The following HPSE2 variants were observed in gnomAD, a reference collection of about 807,000 sequenced individuals.
HPSE2 encodes inactive heparanase-2.
Under a neutral mutation model 60.5 loss-of-function variants are expected in HPSE2, and 38 were observed. The observed-to-expected ratio is 0.63, with a 90% confidence interval of 0.48 to 0.82. The LOEUF is 0.82. Ranked by LOEUF, HPSE2 falls within the 40% of genes least tolerant of loss-of-function variation. The probability of loss-of-function intolerance (pLI) is 0.00; values close to 1 mark genes in which losing one functional copy is unlikely to be tolerated. For synonymous variants in HPSE2, 295 were observed against 293.2 expected, an observed-to-expected ratio of 1.01 and a Z score of -0.06; for missense variants, 713 against 740.4, an observed-to-expected ratio of 0.96 and a Z score of 0.43.
At chr10:98,732,541 G>C (rs1949253228) in intron 4 of HPSE2, among the ~76,000 whole-genome samples, 1 of 152,114 alleles carries the variant, frequency 6.6e-6, no homozygotes, top group African/African-American at 2.4e-5. Flanking sequence ...GGAAAAAATG[G>C]TCTTTTTAAT....
At chr10:99,022,734 A>G (rs1333567337) in intron 3 of HPSE2, among the ~76,000 whole-genome samples, 1 of 152,140 alleles carries the variant, frequency 6.6e-6, no homozygotes, top group African/African-American at 2.4e-5. Context: ...ATTTCTAGAC[A>G]CATTCTGGGC....
upstream of HPSE2, among the ~76,000 whole-genome samples, chr10:99,237,918 G>A (rs1482457990): frequency 6.6e-6 from 1 of 152,164 alleles, no homozygotes; most frequent in African/African-American, 2.4e-5. Context: ...GTAAATTAAT[G>A]GTAAATCCAA....
At chr10:99,057,794 T>G (rs971667834) in intron 3 of HPSE2, among the ~76,000 whole-genome samples, 1 of 152,180 alleles carries the variant, frequency 6.6e-6, no homozygotes, top group Non-Finnish European at 1.5e-5. Flanking sequence ...AATACACGCA[T>G]GAATTCTTTC....
rs542775208 is a variant in HPSE2, at chr10:99,040,657, T to TA, written c.610+103580dup. Among the ~76,000 whole-genome samples the TA allele has an allele frequency of 5.0e-3, 762 of 152,018 alleles. 5 individuals carry two copies. The highest frequency in any genetic ancestry group is 0.017 in the African/African-American group (691 of 41,488). ...TGACTTGAATATTTATACCCAAAAA[T>TA]AAAAAAAACTTCCACATCTCTATAG... is the stretch of plus-strand genomic sequence containing the variant. On this transcript the variant is annotated intron_variant, in intron 3 of 11. Transcript: ENST00000370552.
intron 3 of HPSE2, among the ~76,000 whole-genome samples, chr10:99,109,217 C>A (rs977618740): frequency 6.6e-6 from 1 of 152,082 alleles, no homozygotes; most frequent in South Asian, 2.1e-4. Flanking sequence ...ATGGGAAGAA[C>A]AATGAACTCA....
chr10:98,624,524 A>C, intron 7 of HPSE2, among the ~76,000 whole-genome samples: 1 of 152,198 alleles, frequency 6.6e-6, no homozygotes, highest in Non-Finnish European at 1.5e-5. Context: ...ATGGAAAGCT[A>C]TTGGAGGGAT....
chr10:99,009,664 T>C (rs1956969126), intron 3 of HPSE2, among the ~76,000 whole-genome samples: 1 of 152,170 alleles, frequency 6.6e-6, no homozygotes, highest in South Asian at 2.1e-4. Flanking sequence ...TCATAGACTA[T>C]AGAAATGTTA....
chr10:98,569,071 T>TA (rs1944425133), intron 9 of HPSE2, among the ~76,000 whole-genome samples: 1 of 151,654 alleles, frequency 6.6e-6, no homozygotes, highest in African/African-American at 2.4e-5. Flanking sequence ...GTCTGATTTT[T>TA]TTTTTTTTTG....
intron 2 of HPSE2, among the ~76,000 whole-genome samples, chr10:99,157,946 G>A (rs12413062): frequency 0.15 from 10,310 of 70,938 alleles, 867 homozygotes; most frequent in Non-Finnish European, 0.24. Context: ...GGCAAAGGAC[G>A]TGAACAGACA....
At chr10:99,141,270 C>T (rs1343030185) in intron 3 of HPSE2, among the ~76,000 whole-genome samples, 1 of 152,070 alleles carries the variant, frequency 6.6e-6, no homozygotes, top group African/African-American at 2.4e-5. Context: ...AACATATACG[C>T]CCCCATAGGT....
chr10:99,185,914 G>A (rs986171576), intron 2 of HPSE2, among the ~76,000 whole-genome samples: 3 of 151,962 alleles, frequency 2.0e-5, no homozygotes, highest in African/African-American at 7.3e-5. Flanking sequence ...GAGGAAAAAA[G>A]AGTGAAAAAA....
chr10:98,543,314 A>G (rs1943540976), intron 9 of HPSE2, among the ~76,000 whole-genome samples: 2 of 152,202 alleles, frequency 1.3e-5, no homozygotes, highest in Admixed American at 1.3e-4. Context: ...GCCGTAAAAG[A>G]GCTCCCGAAG....
chr10:99,059,755 A>G (rs1250964823), intron 3 of HPSE2, among the ~76,000 whole-genome samples: 1 of 152,178 alleles, frequency 6.6e-6, no homozygotes, highest in Non-Finnish European at 1.5e-5. Context: ...GTTTGCAAAT[A>G]TTTTTAACAG....
At chr10:98,862,855 G>A (rs1440946723) in intron 3 of HPSE2, among the ~76,000 whole-genome samples, 1 of 152,108 alleles carries the variant, frequency 6.6e-6, no homozygotes, top group Admixed American at 6.6e-5. Flanking sequence ...TTGAACTTCC[G>A]GCTCAAGCAA....
At chr10:99,059,678 T>G (rs1958190333) in intron 3 of HPSE2, among the ~76,000 whole-genome samples, 1 of 152,054 alleles carries the variant, frequency 6.6e-6, no homozygotes, top group Non-Finnish European at 1.5e-5. Flanking sequence ...CATGTCATTT[T>G]CAAAGAGAAA....
chr10:99,077,177 GTCTTGGT>G (rs1269658006), intron 3 of HPSE2, among the ~76,000 whole-genome samples: 1 of 152,132 alleles, frequency 6.6e-6, no homozygotes, highest in Admixed American at 6.5e-5. Context: ...ACTACATTGT[GTCTTGGT>G]GTGGATGTCT....
rs1270082121 is a variant in HPSE2 at position 99,165,521 on chromosome 10, TTATTTACG to T, written c.449-21130_449-21123del. ...GTGGGTTTTGTTTTGTTCTGTTCAT[TTATTTACG>T]TATTTATTTATTTATTTATTTATTT... On this transcript the variant is annotated intron_variant, in intron 2 of 11. Transcript: ENST00000370552. Among the ~76,000 whole-genome samples, 38 of 138,350 alleles carry T rather than the reference TTATTTACG, an allele frequency of 2.7e-4. 1 individual carries two copies. Among genetic ancestry groups the T allele is most frequent in the Admixed American group, 2.1e-3 (27 of 12,570 alleles). The allele number at this position is 138,350 out of a possible 152,430, so 90.8% of individuals were successfully genotyped here.
intron 3 of HPSE2, among the ~76,000 whole-genome samples, chr10:99,082,012 T>C (rs1435579762): frequency 6.6e-6 from 1 of 152,214 alleles, no homozygotes; most frequent in Non-Finnish European, 1.5e-5. Flanking sequence ...CACAGTGAAC[T>C]AAAATGTGTT....
intron 3 of HPSE2, among the ~76,000 whole-genome samples, chr10:98,986,605 A>C (rs2135321781): frequency 6.8e-6 from 1 of 147,090 alleles, no homozygotes; most frequent in African/African-American, 2.5e-5. Context: ...GAGCAAACAC[A>C]TTCAAAAGCT....
Sources: gnomAD v4.1 joint callset for allele counts (sites outside exome capture counted in the v4.1 genomes callset) on GRCh38, gnomAD v4.1.1 for gene constraint, MANE v1.5 for transcripts, NCBI Gene and HGNC (gene_info 2026-07-23, HGNC 2026-07-21) for gene names.